The following PDGFC variants were observed in gnomAD, a reference collection of about 807,000 sequenced individuals.
PDGFC encodes the protein platelet derived growth factor C.
PDGFC carries 12 observed loss-of-function variants against 35.5 expected under a neutral mutation model. The observed-to-expected ratio is 0.34, with a 90% CI of 0.22 to 0.55. PDGFC has a LOEUF of 0.55. Ranked by LOEUF, PDGFC falls within the 20% of genes least tolerant of loss-of-function variation. The pLI, the probability that PDGFC is intolerant of heterozygous loss-of-function variation, is 0.91. For missense variants in PDGFC, 322 were observed against 412.4 expected (o/e 0.78, Z 1.90); for synonymous variants, 159 against 148.8 (o/e 1.07, Z -0.50).
chr4:156,836,784 T>C (rs892685635), intron 2 of PDGFC, among the ~76,000 whole-genome samples: 4 of 152,232 alleles, frequency 2.6e-5, no homozygotes, highest in African/African-American at 7.2e-5. Context: ...CTTTACTGTA[T>C]AGGAAAACAA....
At chr4:156,771,569 A>G (rs1435067936) in intron 4 of PDGFC, among the ~76,000 whole-genome samples, 1 of 152,164 alleles carries the variant, frequency 6.6e-6, no homozygotes, top group Non-Finnish European at 1.5e-5. Context: ...AATATTGCCA[A>G]AAGGAAACCA....
At chr4:156,855,697 GCTCA>G (rs1179212943) in intron 1 of PDGFC, among the ~76,000 whole-genome samples, 2 of 151,990 alleles carry the variant, frequency 1.3e-5, no homozygotes, top group Non-Finnish European at 2.9e-5. Context: ...GCTTTGCTAT[GCTCA>G]CTGTTTTTTT....
At chr4:156,928,406 G>A (rs939997838) in intron 1 of PDGFC, among the ~76,000 whole-genome samples, 6 of 152,092 alleles carry the variant, frequency 3.9e-5, no homozygotes, top group South Asian at 4.1e-4. Flanking sequence ...GAAAATTCAC[G>A]CATTGCACTT....
In PDGFC at chr4:156,837,974, AT is replaced by A. The variant is rs34610935; in HGVS notation, c.314+12246del. On this transcript the variant is annotated intron_variant, in intron 2 of 5. Coordinates refer to ENST00000502773, the MANE Select transcript of PDGFC (RefSeq NM_016205.3). ...TCTATTTTAAGCCCTCTTGGGAATGATTTTTTTTTTTTAAGTTACAAAAGTA... is the reference window on the plus strand; with the variant it reads ...TCTATTTTAAGCCCTCTTGGGAATGATTTTTTTTTTTAAGTTACAAAAGTA... 1.4e-3 allele frequency among the ~76,000 whole-genome samples: 209 copies of A among 147,272 alleles called. 1 individual carries two copies. The highest frequency in any genetic ancestry group is 0.011 in the Middle Eastern group (3 of 278).
At position 156,964,562 on chromosome 4, in the gene PDGFC, G is replaced by T. The variant is rs576980901; in HGVS notation, c.118+6224C>A. 2.0e-5 allele frequency among the ~76,000 whole-genome samples: 3 copies of T among 151,364 alleles called. No homozygotes were observed. In the South Asian group the frequency reaches 6.2e-4, roughly 32 times the overall value. On this transcript the variant is annotated intron_variant, in intron 1 of 5. Coordinates refer to ENST00000502773, the MANE Select transcript of PDGFC (RefSeq NM_016205.3). ...CCTTACTGTTCCCGTAAATATTTCC[G>T]AAGCAACAGATTCTTACCTCATCTC...
chr4:156,855,754 G>A (rs1014751148), intron 1 of PDGFC, among the ~76,000 whole-genome samples: 2 of 151,804 alleles, frequency 1.3e-5, no homozygotes, highest in African/African-American at 4.8e-5. Context: ...GCTAGTTTGT[G>A]GATATAGCTA....
rs531493871 is a variant in PDGFC, at chr4:156,793,258, A to G, written c.495+17579T>C. 6.0e-4 allele frequency among the ~76,000 whole-genome samples: 91 copies of G among 152,178 alleles called. 2 individuals are homozygous for G. The highest frequency in any genetic ancestry group is 5.0e-3 in the Admixed American group (77 of 15,276). ...CAGGTTATAATGGAAACTATTTTTA[A>G]TATCAATTTTGGGGACTATAAGAAT... On this transcript the variant is annotated intron_variant, in intron 3 of 5. Coordinates refer to ENST00000502773, the MANE Select transcript of PDGFC (RefSeq NM_016205.3).
chr4:156,763,395 A>G (rs908846921), intron 5 of PDGFC, among the ~76,000 whole-genome samples, 189 bp from the exon 6 acceptor site: 1 of 150,916 alleles, frequency 6.6e-6, no homozygotes, highest in East Asian at 1.9e-4. Flanking sequence ...TCATCATTTC[A>G]TGAAAGCACA....
At chr4:156,815,363 CA>C (rs1560823288) in intron 2 of PDGFC, among the ~76,000 whole-genome samples, 10 of 146,234 alleles carry the variant, frequency 6.8e-5, no homozygotes, top group Non-Finnish European at 8.9e-5. Flanking sequence ...CACACACACA[CA>C]CACCCCGTTG....
intron 3 of PDGFC, among the ~76,000 whole-genome samples, chr4:156,800,587 A>T (rs2110912749): frequency 6.6e-6 from 1 of 152,310 alleles, no homozygotes; most frequent in East Asian, 1.9e-4. Flanking sequence ...TGAGAGTAGC[A>T]TTTTCTCAAA....
chr4:156,919,436 G>A (rs1451563674), intron 1 of PDGFC, among the ~76,000 whole-genome samples: 1 of 152,152 alleles, frequency 6.6e-6, no homozygotes, highest in Non-Finnish European at 1.5e-5. Context: ...TTACTCCAGA[G>A]AAAGAAAGCA....
intron 1 of PDGFC, among the ~76,000 whole-genome samples, chr4:156,891,204 C>T (rs1386327139): frequency 3.8e-5 from 5 of 132,832 alleles, no homozygotes; most frequent in Admixed American, 2.6e-4. Context: ...TGCGTGAACC[C>T]GGGAGGCGGA....
intron 3 of PDGFC, among the ~76,000 whole-genome samples, chr4:156,785,452 G>A (rs1367433326): frequency 1.3e-5 from 2 of 152,166 alleles, no homozygotes; most frequent in Non-Finnish European, 2.9e-5. Flanking sequence ...GACCTCAGGT[G>A]ATCTGCCAGC....
In PDGFC at chr4:156,836,752, G is replaced by T. The variant is rs192961020; in HGVS notation, c.314+13469C>A. On this transcript the variant is annotated intron_variant, in intron 2 of 5. Transcript: ENST00000502773. ...TTTACATTTAACTTGGAAGGACTTT[G>T]TTAAATGTTAATTTAACCTTTCTTT... is the stretch of plus-strand genomic sequence containing the variant. Among the ~76,000 whole-genome samples, 481 of 152,238 alleles carry T rather than the reference G, an allele frequency of 3.2e-3. 4 individuals are homozygous for T. Among genetic ancestry groups the T allele is most frequent in the African/African-American group, 0.011 (465 of 41,544 alleles).
At chr4:156,799,025 T>G (rs1417502454) in intron 3 of PDGFC, among the ~76,000 whole-genome samples, 1 of 152,304 alleles carries the variant, frequency 6.6e-6, no homozygotes, top group South Asian at 2.1e-4. Flanking sequence ...TCTTAGATAA[T>G]TGCTACCTCA....
At chr4:156,787,751 G>A (rs961734631) in intron 3 of PDGFC, among the ~76,000 whole-genome samples, 4 of 152,100 alleles carry the variant, frequency 2.6e-5, no homozygotes, top group African/African-American at 9.7e-5. Context: ...AACAATGTTC[G>A]CCTAGGGTCA....
chr4:156,942,467 A>G (rs1218401137), intron 1 of PDGFC, among the ~76,000 whole-genome samples: 3 of 151,964 alleles, frequency 2.0e-5, no homozygotes, highest in Non-Finnish European at 4.4e-5. Context: ...ATAAATAGAT[A>G]CTTTTTTCTA....
intron 3 of PDGFC, among the ~76,000 whole-genome samples, chr4:156,787,010 AG>A (rs1731146586): frequency 6.6e-6 from 1 of 152,182 alleles, no homozygotes; most frequent in Non-Finnish European, 1.5e-5. Flanking sequence ...GGTATTCAAG[AG>A]AAGATTCTAG....
intron 1 of PDGFC, among the ~76,000 whole-genome samples, chr4:156,930,328 A>C (rs956110661): frequency 6.6e-6 from 1 of 152,242 alleles, no homozygotes; most frequent in African/African-American, 2.4e-5. Flanking sequence ...ATCAAATCTG[A>C]GGAACTGAAA....
Sources: gnomAD v4.1 joint callset for allele counts (sites outside exome capture counted in the v4.1 genomes callset) on GRCh38, gnomAD v4.1.1 for gene constraint, MANE v1.5 for transcripts, NCBI Gene and HGNC (gene_info 2026-07-23, HGNC 2026-07-21) for gene names.